LDLRAD3: variants seen among roughly 807,000 people sequenced by gnomAD.
LDLRAD3 encodes low density lipoprotein receptor class A domain containing 3.
Under a neutral mutation model 29.4 loss-of-function variants are expected in LDLRAD3, and 20 were observed. That is an observed-to-expected ratio of 0.68 (90% CI 0.48 to 0.99). LDLRAD3 has a LOEUF of 0.99. LDLRAD3 is among the 50% of genes least tolerant of loss of function. The pLI is 0.00. For synonymous variants in LDLRAD3, 157 were observed against 192.7 expected (o/e 0.81, Z 1.53); for missense variants, 420 against 454.3 (o/e 0.92, Z 0.69).
intron 2 of LDLRAD3, among the ~76,000 whole-genome samples, chr11:36,048,191 TG>T (rs1410087591): frequency 6.6e-6 from 1 of 152,208 alleles, no homozygotes; most frequent in Non-Finnish European, 1.5e-5. Context: ...GTGACAGTTC[TG>T]TTTCAGAAAT....
chr11:36,006,428 T>A (rs763961005), intron 1 of LDLRAD3, among the ~76,000 whole-genome samples: 2 of 152,190 alleles, frequency 1.3e-5, no homozygotes, highest in Non-Finnish European at 2.9e-5. Context: ...ACAGGTTTAG[T>A]GAAAGCGCTG....
chr11:36,215,250 C>T (rs971252207), intron 4 of LDLRAD3, among the ~76,000 whole-genome samples: 10 of 152,178 alleles, frequency 6.6e-5, no homozygotes, highest in Middle Eastern at 3.4e-3. Context: ...AGAGTAGCAA[C>T]GGGGATGAGA....
chr11:36,148,659 A>G (rs961889897), intron 4 of LDLRAD3, among the ~76,000 whole-genome samples: 1 of 151,910 alleles, frequency 6.6e-6, no homozygotes, highest in Non-Finnish European at 1.5e-5. Context: ...GCAGTCTCAG[A>G]CTCTGGGTCT....
chr11:36,083,013 AAG>A (rs1280937220), intron 3 of LDLRAD3, among the ~76,000 whole-genome samples: 2 of 152,216 alleles, frequency 1.3e-5, no homozygotes, highest in African/African-American at 4.8e-5. Context: ...ATATATATAA[AAG>A]ACTTTATGTT....
At chr11:36,101,510 G>A in intron 4 of LDLRAD3, among the ~76,000 whole-genome samples, 1 of 152,176 alleles carries the variant, frequency 6.6e-6, no homozygotes, top group Non-Finnish European at 1.5e-5. Context: ...TATTATTATT[G>A]TTGTTTAAAT....
Position 36,098,379 on chromosome 11 carries a change from C to G in LDLRAD3, c.372C>G (p.Leu124=), listed in dbSNP as rs1430218120. ...STARYHCKNG[L]CIDKSFICDG... is the part of the protein sequence containing the mutation. ...CCCGCTACCACTGCAAGAACGGCCT[C>G]TGTATTGACAAGAGCTTCATCTGCG... Residue 124 remains leucine (L), a synonymous_variant, in exon 4 of 6, where the codon CTC becomes CTG. Coordinates refer to ENST00000315571, the MANE Select transcript of LDLRAD3 (RefSeq NM_174902.4). 3.7e-6 allele frequency: 6 copies of G among 1,614,116 alleles called. No individual in the cohort carries two copies. The highest frequency in any genetic ancestry group is 5.1e-6 in the Non-Finnish European group (6 of 1,180,048).
chr11:36,165,641 T>C (rs146326229), intron 4 of LDLRAD3, among the ~76,000 whole-genome samples: 1 of 152,296 alleles, frequency 6.6e-6, no homozygotes, highest in East Asian at 1.9e-4. Context: ...AAGGTCCTGC[T>C]GTGTTTTGCA....
rs1855578086 is a variant in LDLRAD3, at chr11:36,231,705, T to A, written c.*2308T>A. The A allele has an allele frequency of 6.6e-6, 1 of 152,164 alleles. No individual in the cohort carries two copies. Among genetic ancestry groups the A allele is most frequent in the South Asian group, 2.1e-4 (1 of 4,828 alleles). 9.4% of individuals were successfully genotyped at this position (152,164 alleles called of 1,614,324 possible). On this transcript the variant is annotated 3_prime_UTR_variant, in exon 6 of 6. Transcript: ENST00000315571. ...ATTTGATTTTTTTAATGAATGTTTT[T>A]AAAAATATATAAATAGGACACCAAA...
intron 4 of LDLRAD3, among the ~76,000 whole-genome samples, chr11:36,121,041 A>G (rs1055838109): frequency 6.6e-6 from 1 of 152,096 alleles, no homozygotes; most frequent in Non-Finnish European, 1.5e-5. Context: ...GGTCCATGGT[A>G]TTTTGTTAGA....
chr11:35,978,338 C>A (rs969692820), intron 1 of LDLRAD3, among the ~76,000 whole-genome samples: 1 of 152,218 alleles, frequency 6.6e-6, no homozygotes, highest in Non-Finnish European at 1.5e-5. Context: ...GTGTGCCTGC[C>A]TGCAGTGCTG....
intron 4 of LDLRAD3, among the ~76,000 whole-genome samples, chr11:36,141,415 T>C (rs1854085248): frequency 6.6e-6 from 1 of 152,136 alleles, no homozygotes; most frequent in African/African-American, 2.4e-5. Context: ...ATGTGCGTCT[T>C]GGAAGGCTGG....
At chr11:36,113,293 A>G (rs1368189897) in intron 4 of LDLRAD3, among the ~76,000 whole-genome samples, 2 of 152,172 alleles carry the variant, frequency 1.3e-5, no homozygotes, top group Middle Eastern at 3.2e-3. Context: ...TGAGAAAAAG[A>G]TCTCTCACTT....
At chr11:36,044,947 C>G (rs1210999119) in intron 2 of LDLRAD3, among the ~76,000 whole-genome samples, 1 of 152,246 alleles carries the variant, frequency 6.6e-6, no homozygotes, top group Non-Finnish European at 1.5e-5. Flanking sequence ...AGCGCTCAGG[C>G]TTCTCAGCCT....
chr11:36,141,166 A>G (rs1854081476), intron 4 of LDLRAD3, among the ~76,000 whole-genome samples: 1 of 152,168 alleles, frequency 6.6e-6, no homozygotes, highest in Non-Finnish European at 1.5e-5. Flanking sequence ...ATATGTGAAA[A>G]TGCTCTGTCA....
At chr11:36,087,721 T>G (rs1407435938) in intron 3 of LDLRAD3, among the ~76,000 whole-genome samples, 2 of 152,078 alleles carry the variant, frequency 1.3e-5, no homozygotes, top group Non-Finnish European at 2.9e-5. Context: ...TATAATTTTT[T>G]TTTTTCCCAA....
At chr11:36,095,992 G>C (rs773096135) in intron 3 of LDLRAD3, among the ~76,000 whole-genome samples, 10 of 152,168 alleles carry the variant, frequency 6.6e-5, no homozygotes, top group Non-Finnish European at 1.2e-4. Context: ...CTCGGTTTTG[G>C]CTGAAGTCAG....
chr11:36,183,191 T>G (rs1196230894), intron 4 of LDLRAD3, among the ~76,000 whole-genome samples: 1 of 152,152 alleles, frequency 6.6e-6, no homozygotes, highest in African/African-American at 2.4e-5. Flanking sequence ...ACACACGGTG[T>G]TAGTTAACTT....
intron 2 of LDLRAD3, among the ~76,000 whole-genome samples, chr11:36,037,656 C>T (rs904380807): frequency 3.3e-5 from 5 of 152,184 alleles, no homozygotes; most frequent in Non-Finnish European, 2.9e-5. Context: ...AATTTGGGGC[C>T]GAGTCTGTTG....
intron 2 of LDLRAD3, among the ~76,000 whole-genome samples, chr11:36,062,905 C>T (rs1479912882): frequency 3.3e-5 from 5 of 152,080 alleles, no homozygotes; most frequent in Non-Finnish European, 1.5e-5. Context: ...GGGACTAATA[C>T]GTTGACCCAC....
Sources: gnomAD v4.1 joint callset for allele counts (sites outside exome capture counted in the v4.1 genomes callset) on GRCh38, gnomAD v4.1.1 for gene constraint, MANE v1.5 for transcripts, NCBI Gene and HGNC (gene_info 2026-07-23, HGNC 2026-07-21) for gene names.